Variants in TWF2 observed in about 807,000 individuals in gnomAD.
The protein encoded by TWF2 is twinfilin actin binding protein 2, also known as twinfilin-2.
Under a neutral mutation model 45.1 loss-of-function variants are expected in TWF2, and 15 were observed. That is an observed-to-expected ratio of 0.33 (90% CI 0.22 to 0.51). The LOEUF (loss-of-function observed/expected upper bound fraction) is 0.51, where lower values mean the gene tolerates loss of function less well. Ranked by LOEUF, TWF2 falls within the 20% of genes least tolerant of loss-of-function variation. The pLI, the probability that TWF2 is intolerant of heterozygous loss-of-function variation, is 0.97. For missense variants in TWF2, 423 were observed against 469.1 expected (o/e 0.90, Z 0.91); for synonymous variants, 177 against 195.8 (o/e 0.90, Z 0.80).
chr3:52,238,540 C>G (rs1260071797), intron 1 of TWF2, among the ~76,000 whole-genome samples: 9 of 152,228 alleles, frequency 5.9e-5, no homozygotes, highest in Admixed American at 3.9e-4. Context: ...CCATGAAACA[C>G]TGATGTCTAA....
rs757837329 is a variant in TWF2 at position 52,230,030 on chromosome 3, G to A, written c.650C>T (p.Thr217Ile). The A allele has an allele frequency of 6.2e-7, 1 of 1,608,790 alleles. No homozygotes were observed. Among genetic ancestry groups the A allele is most frequent in the Non-Finnish European group, 8.5e-7 (1 of 1,178,966 alleles). Reference protein sequence around the residue: ...LERETIELVHTEPTDVAQLPS... With the variant: ...LERETIELVHIEPTDVAQLPS... ...CAGCTGGGCCACATCCGTGGGCTCT[G>A]TGTGCACCAGCTCAATGGTTTCCCG... is the stretch of plus-strand genomic sequence containing the variant. The change falls in exon 7 of 9, where the codon ACA becomes ATA. Residue 217 changes from threonine to isoleucine, a missense_variant. Physicochemically the swap from Thr to Ile is moderately conservative, Grantham distance 89. Coordinates refer to ENST00000305533, the MANE Select transcript of TWF2 (RefSeq NM_007284.4).
rs953892818 is a variant in TWF2 at position 52,228,838 on chromosome 3, C to T, written c.*196G>A. On this transcript the variant is annotated 3_prime_UTR_variant, in exon 9 of 9. Transcript: ENST00000305533. ...TCCCCGGACACCCTGGGCACACAGA[C>T]GAGATGCAGGGACAGCAACAGGGAA... 5 of 828,974 alleles carry T rather than the reference C, an allele frequency of 6.0e-6. No individual in the cohort carries two copies. Among genetic ancestry groups the T allele is most frequent in the South Asian group, 3.7e-5 (2 of 54,524 alleles). The allele number at this position is 828,974 out of a possible 1,614,324, so 51.4% of individuals were successfully genotyped here.
At chr3:52,238,929 C>CGG (rs11441245) in intron 1 of TWF2, 63 bp downstream of exon 1, 66,970 of 1,115,382 alleles carry the variant, frequency 0.06, 332 homozygotes, top group Non-Finnish European at 0.069. Flanking sequence ...GGCCGAGAGC[C>CGG]GGGGGGGGGC....
chr3:52,230,345 G>A (rs1461454235), intron 6 of TWF2, among the ~76,000 whole-genome samples: 1 of 152,258 alleles, frequency 6.6e-6, no homozygotes, highest in African/African-American at 2.4e-5. Flanking sequence ...ACAGGATGGT[G>A]TGGAGGGTCA....
rs1295946744 is a variant in TWF2, at chr3:52,239,125, C to G, written c.-109G>C. 6 of 1,311,444 alleles carry G rather than the reference C, an allele frequency of 4.6e-6. No homozygotes were observed. In the South Asian group the frequency reaches 9.7e-5, roughly 21 times the overall value. The allele number at this position is 1,311,444 out of a possible 1,614,324, so 81.2% of individuals were successfully genotyped here. ...GAGGATGTGGCGGAGGCTGTCGACC[C>G]TCGCGCAGCTTCCCGGGCGGTGCCG... On this transcript the variant is annotated 5_prime_UTR_variant, in exon 1 of 9. Transcript: ENST00000305533.
chr3:52,229,225 A>ATTTC, intron 8 of TWF2, 24 bp from the exon 9 acceptor site: 1 of 1,606,414 alleles, frequency 6.2e-7, no homozygotes, highest in South Asian at 1.1e-5. Flanking sequence ...GGCAGTGGTC[A>ATTTC]CCCCAATGGG....
At chr3:52,233,213 C>T (rs1699695197) in intron 2 of TWF2, among the ~76,000 whole-genome samples, 1 of 152,206 alleles carries the variant, frequency 6.6e-6, no homozygotes, top group Admixed American at 6.5e-5. Context: ...GTCAGCCTGG[C>T]TGGGGGTCCT....
At chr3:52,229,299 C>T in intron 8 of TWF2, 98 bp from the exon 9 acceptor site, 4 of 1,494,468 alleles carry the variant, frequency 2.7e-6, no homozygotes, top group Non-Finnish European at 2.7e-6. Flanking sequence ...ACTCTCACAT[C>T]CTAGCCCTGG....
At chr3:52,231,351 C>A in intron 4 of TWF2, 93 bp downstream of exon 4, 1 of 1,572,996 alleles carries the variant, frequency 6.4e-7, no homozygotes, top group South Asian at 1.1e-5. Flanking sequence ...ATCTTCCTCC[C>A]GAAGCTGGCA....
chr3:52,234,935 C>T lies in TWF2; in HGVS notation c.103+94G>A, dbSNP rs559915020. ...TTTCCAGAGTGGGAAATTGAGGTCC[C>T]GGCAGGCCAGGGGCCAACATCCTCC... On this transcript the variant is annotated intron_variant, in intron 2 of 8. Transcript: ENST00000305533. The T allele has an allele frequency of 1.5e-4, 210 of 1,441,434 alleles. 1 individual carries two copies. In the African/African-American group the frequency reaches 2.4e-3, roughly 17 times the overall value. The allele number at this position is 1,441,434 out of a possible 1,614,324, so 89.3% of individuals were successfully genotyped here. A position where few individuals can be genotyped will look rare whatever the true frequency, so the allele number is the denominator to read the frequency against.
At position 52,238,987 on chromosome 3, in the gene TWF2, C is replaced by A; in HGVS notation, c.25+5G>T. Reference sequence around the variant, plus strand: ...GCCCCCTGCCCGCCCGCCATCCGCCCTCACCGTGGATGCCCGTTTGGTGCG... The same window carrying A: ...GCCCCCTGCCCGCCCGCCATCCGCCATCACCGTGGATGCCCGTTTGGTGCG... On this transcript the variant is annotated splice_donor_5th_base_variant and intron_variant, in intron 1 of 8. Transcript: ENST00000305533. 6.3e-7 allele frequency: 1 copy of A among 1,595,172 alleles called. No homozygotes were observed.
At chr3:52,230,665 G>A (rs995629320) in intron 6 of TWF2, among the ~76,000 whole-genome samples, 1 of 152,080 alleles carries the variant, frequency 6.6e-6, no homozygotes, top group African/African-American at 2.4e-5. Flanking sequence ...ACACATCTAT[G>A]TGCACACAGT....
intron 2 of TWF2, among the ~76,000 whole-genome samples, chr3:52,232,893 C>A (rs1342235281): frequency 2.0e-5 from 3 of 152,174 alleles, no homozygotes; most frequent in Non-Finnish European, 2.9e-5. Flanking sequence ...GCCTGTAATC[C>A]CAGCTGCTCG....
In TWF2 at chr3:52,231,183, C is replaced by A; in HGVS notation, c.427G>T (p.Ala143Ser). 1 of 1,614,050 alleles carries A rather than the reference C, an allele frequency of 6.2e-7. No individual in the cohort carries two copies. The highest frequency in any genetic ancestry group is 8.5e-7 in the Non-Finnish European group (1 of 1,179,966). ...GYQKHLSSCA[A>S]PAPLTSAERE... ...TCAGCCGAGGTCAGCGGGGCAGGTG[C>A]CGCACAGGACGACAGGTGTTTCTGG... is the stretch of plus-strand genomic sequence containing the variant. The change falls in exon 5 of 9, where the codon GCA (alanine) becomes TCA (serine). Residue 143 changes from alanine to serine, a missense_variant. Transcript: ENST00000305533.
Position 52,229,642 on chromosome 3 carries a change from C to T in TWF2, c.882+19G>A. The T allele has an allele frequency of 1.9e-6, 3 of 1,609,410 alleles. No homozygotes were observed. Among genetic ancestry groups the T allele is most frequent in the Non-Finnish European group, 2.5e-6 (3 of 1,178,074 alleles). ...AGTGATAGGGCCTGGGGAGGTGAGGCCCTGGGGAGGGCGCCTACTTTCTTG... is the reference window on the plus strand; with the variant it reads ...AGTGATAGGGCCTGGGGAGGTGAGGTCCTGGGGAGGGCGCCTACTTTCTTG... On this transcript the variant is annotated intron_variant, in intron 8 of 8. Coordinates refer to ENST00000305533, the MANE Select transcript of TWF2 (RefSeq NM_007284.4).
intron 1 of TWF2, among the ~76,000 whole-genome samples, chr3:52,236,056 T>C (rs1699722792): frequency 6.6e-6 from 1 of 151,610 alleles, no homozygotes; most frequent in African/African-American, 2.4e-5. Context: ...ATCCCAGCAA[T>C]TTGGGAGGCC....
chr3:52,231,852 C>T, intron 3 of TWF2, 92 bp downstream of exon 3: 1 of 1,528,272 alleles, frequency 6.5e-7, no homozygotes, highest in Admixed American at 1.9e-5. Flanking sequence ...CAGGGGCAGG[C>T]CTGTGTCCCC....
intron 1 of TWF2, among the ~76,000 whole-genome samples, chr3:52,238,082 A>G (rs1699743627): frequency 6.6e-6 from 1 of 151,874 alleles, no homozygotes; most frequent in Non-Finnish European, 1.5e-5. Context: ...TGGGACCCCT[A>G]GGGGAGGGGA....
At chr3:52,231,570 C>A in intron 3 of TWF2, 31 bp from the exon 4 acceptor site, 1 of 1,599,170 alleles carries the variant, frequency 6.3e-7, no homozygotes, top group Non-Finnish European at 8.5e-7. Flanking sequence ...CGTAAGAGGC[C>A]TCTGGGCAGG....
Sources: allele counts gnomAD v4.1 joint callset (sites outside exome capture counted in the v4.1 genomes callset), GRCh38; gene constraint gnomAD v4.1.1; transcripts MANE v1.5; gene names NCBI Gene and HGNC (gene_info 2026-07-23, HGNC 2026-07-21).